DNM3: variants seen among roughly 807,000 people sequenced by gnomAD.
DNM3 encodes the protein dynamin-3.
In DNM3, 47 loss-of-function variants were observed where a neutral mutation model predicts 101.6. That is an observed-to-expected ratio of 0.46 (90% CI 0.37 to 0.59). The LOEUF (loss-of-function observed/expected upper bound fraction) is 0.59, where lower values mean the gene tolerates loss of function less well. DNM3 is among the 20% of genes least tolerant of loss of function. The pLI, the probability that DNM3 is intolerant of heterozygous loss-of-function variation, is 0.00. For missense variants in DNM3, 849 were observed against 1,085.7 expected (o/e 0.78, Z 3.06); for synonymous variants, 385 against 387.9 (o/e 0.99, Z 0.09).
At position 172,408,024 on chromosome 1, in the gene DNM3, C is replaced by T. The variant is rs2071017432; in HGVS notation, c.*183C>T. 6.9e-7 allele frequency: 1 copy of T among 1,442,774 alleles called. No homozygotes were observed. Among genetic ancestry groups the T allele is most frequent in the Non-Finnish European group, 9.1e-7 (1 of 1,098,508 alleles). The allele number at this position is 1,442,774 out of a possible 1,614,324, so 89.4% of individuals were successfully genotyped here. On this transcript the variant is annotated 3_prime_UTR_variant, in exon 21 of 21. Coordinates refer to ENST00000627582, the MANE Select transcript of DNM3 (RefSeq NM_015569.5). ...GGTATGTCAAACCTTTGGGGTTTGA[C>T]TCAGAAACTGCTAACCTTTTAGAGG...
intron 14 of DNM3, among the ~76,000 whole-genome samples, chr1:172,142,899 A>G (rs1182746511): frequency 1.3e-5 from 2 of 151,968 alleles, no homozygotes; most frequent in Non-Finnish European, 2.9e-5. Context: ...AAAAGAAACT[A>G]TATAGATTTT....
chr1:172,114,324 C>A (rs1048979292), intron 13 of DNM3, among the ~76,000 whole-genome samples: 3 of 152,116 alleles, frequency 2.0e-5, no homozygotes, highest in Non-Finnish European at 4.4e-5. Context: ...CAAAAGATAG[C>A]CAGTGCGGCT....
intron 17 of DNM3, among the ~76,000 whole-genome samples, chr1:172,373,306 C>A (rs2068441887): frequency 6.6e-6 from 1 of 152,056 alleles, no homozygotes; most frequent in Non-Finnish European, 1.5e-5. Flanking sequence ...GTCATTTAGA[C>A]TTATAAACTC....
At chr1:172,173,380 G>C (rs1178407444) in intron 14 of DNM3, among the ~76,000 whole-genome samples, 1 of 151,472 alleles carries the variant, frequency 6.6e-6, no homozygotes, top group Non-Finnish European at 1.5e-5. Context: ...GGGTGGGGAT[G>C]TTAAATGTAA....
intron 15 of DNM3, among the ~76,000 whole-genome samples, chr1:172,298,531 G>A (rs2148837882): frequency 6.6e-6 from 1 of 152,260 alleles, no homozygotes; most frequent in Admixed American, 6.5e-5. Context: ...TCTGATGTTT[G>A]CTGGTTCTTG....
At chr1:172,364,386 C>T (rs1424468256) in intron 17 of DNM3, among the ~76,000 whole-genome samples, 2 of 151,464 alleles carry the variant, frequency 1.3e-5, no homozygotes. Context: ...CAAAAAGAGG[C>T]AGTTAAGGAG....
At chr1:171,925,699 T>C (rs1356439319) in intron 2 of DNM3, among the ~76,000 whole-genome samples, 1 of 152,242 alleles carries the variant, frequency 6.6e-6, no homozygotes, top group East Asian at 1.9e-4. Context: ...GTGCATAATG[T>C]CTTTAGTTTA....
intron 14 of DNM3, among the ~76,000 whole-genome samples, chr1:172,162,269 G>A (rs1221722769): frequency 4.6e-5 from 7 of 151,454 alleles, no homozygotes; most frequent in Middle Eastern, 3.2e-3. Flanking sequence ...ATATATTGAC[G>A]TATCTGTTGC....
At chr1:172,244,859 A>G (rs2061891103) in intron 14 of DNM3, among the ~76,000 whole-genome samples, 1 of 152,222 alleles carries the variant, frequency 6.6e-6, no homozygotes, top group Non-Finnish European at 1.5e-5. Flanking sequence ...TACTGGGTAT[A>G]TACCCAAAGG....
At chr1:172,110,962 G>T (rs1224828326) in intron 13 of DNM3, among the ~76,000 whole-genome samples, 1 of 152,210 alleles carries the variant, frequency 6.6e-6, no homozygotes, top group Non-Finnish European at 1.5e-5. Flanking sequence ...CCTGAGCCGG[G>T]GAGATCGAGG....
At chr1:172,298,744 C>G in intron 15 of DNM3, among the ~76,000 whole-genome samples, 1 of 151,902 alleles carries the variant, frequency 6.6e-6, no homozygotes, top group East Asian at 1.9e-4. Flanking sequence ...ATACATTTCT[C>G]TTTCCATTGG....
chr1:172,111,449 G>A (rs2055471772), intron 13 of DNM3, among the ~76,000 whole-genome samples: 1 of 152,282 alleles, frequency 6.6e-6, no homozygotes, highest in South Asian at 2.1e-4. Context: ...ACATTCTATT[G>A]AGTACTTTAT....
intron 1 of DNM3, among the ~76,000 whole-genome samples, chr1:171,888,847 T>C (rs750915338): frequency 1.1e-4 from 16 of 152,264 alleles, no homozygotes; most frequent in Non-Finnish European, 2.1e-4. Context: ...CAAGGCAGCA[T>C]TGGGTATCAT....
intron 2 of DNM3, among the ~76,000 whole-genome samples, chr1:171,961,166 A>C (rs2043186085): frequency 6.6e-6 from 1 of 152,106 alleles, no homozygotes; most frequent in South Asian, 2.1e-4. Context: ...GGATTTTATA[A>C]GATGGATGCG....
intron 4 of DNM3, among the ~76,000 whole-genome samples, chr1:172,001,482 A>G (rs917791763): frequency 6.6e-6 from 1 of 152,018 alleles, no homozygotes; most frequent in African/African-American, 2.4e-5. Flanking sequence ...TGTGCCTTTT[A>G]TCTTCTGAGC....
intron 4 of DNM3, among the ~76,000 whole-genome samples, chr1:172,021,339 G>T (rs1042644979): frequency 1.3e-5 from 2 of 151,894 alleles, no homozygotes; most frequent in Non-Finnish European, 2.9e-5. Context: ...CAAGTATGGT[G>T]GTGCATGTTT....
intron 1 of DNM3, among the ~76,000 whole-genome samples, chr1:171,919,537 C>T (rs1292128520): frequency 6.6e-6 from 1 of 152,128 alleles, no homozygotes; most frequent in East Asian, 1.9e-4. Context: ...CAGCTCTTTA[C>T]TCTGGAGTTT....
chr1:171,938,165 C>T (rs1172622413), intron 2 of DNM3, among the ~76,000 whole-genome samples: 1 of 152,038 alleles, frequency 6.6e-6, no homozygotes, highest in Non-Finnish European at 1.5e-5. Context: ...GAACTGTGTT[C>T]TCTTGCCACC....
chr1:172,034,051 A>G (rs2048795248), intron 6 of DNM3, among the ~76,000 whole-genome samples: 1 of 152,170 alleles, frequency 6.6e-6, no homozygotes, highest in Non-Finnish European at 1.5e-5. Flanking sequence ...TAATCAGGCA[A>G]TCAATCAATC....
Sources: allele counts gnomAD v4.1 joint callset (sites outside exome capture counted in the v4.1 genomes callset), GRCh38; gene constraint gnomAD v4.1.1; transcripts MANE v1.5; gene names NCBI Gene and HGNC (gene_info 2026-07-23, HGNC 2026-07-21).